Variants in SMC1A observed in about 807,000 individuals in gnomAD.
The protein encoded by SMC1A is structural maintenance of chromosomes 1A.
Under a neutral mutation model 94.5 loss-of-function variants are expected in SMC1A, and 4 were observed. That is an observed-to-expected ratio of 0.04 (90% CI 0.02 to 0.10). SMC1A has a LOEUF of 0.10. Among genes scored for constraint, SMC1A ranks in the 10% least tolerant of loss-of-function variants. The pLI is 1.00. For synonymous variants in SMC1A, 345 were observed against 347.7 expected (o/e 0.99, Z 0.09); for missense variants, 304 against 989.0 (o/e 0.31, Z 9.29).
At chrX:53,382,811 A>G (rs2075590044) in intron 20 of SMC1A, 151 bp from the exon 21 acceptor site, 1 of 676,885 alleles carries the variant, frequency 1.5e-6, no homozygotes, top group South Asian at 2.6e-5. Flanking sequence ...CACTGGATAC[A>G]ATGCAGAGCA....
chrX:53,397,589 A>T (rs183352067), intron 16 of SMC1A, among the ~76,000 whole-genome samples: 34 of 110,862 alleles, frequency 3.1e-4, no homozygotes, highest in African/African-American at 9.2e-4. Context: ...TCAAAAAAAA[A>T]AATAATAATC....
rs200428075 is a variant in SMC1A, at chrX:53,415,105, T to C, written c.174A>G (p.Val58=). The C allele has an allele frequency of 1.4e-5, 17 of 1,211,472 alleles. No homozygotes were observed. In the South Asian group the frequency reaches 2.6e-4, roughly 19 times the overall value. Residue 58 remains valine, a synonymous_variant, in exon 2 of 25, where the codon GTA becomes GTG. Coordinates refer to ENST00000322213, the MANE Select transcript of SMC1A (RefSeq NM_006306.4). ...CATGGATCAGGTCCCGCAGGGTCTTTACCCGCAGGTTGCTGGTTTTTTCAC... is the reference window on the plus strand; with the variant it reads ...CATGGATCAGGTCCCGCAGGGTCTTCACCCGCAGGTTGCTGGTTTTTTCAC... ...VLGEKTSNLR[V]KTLRDLIHGA...
Position 53,414,875 on chromosome X carries a change from A to G in SMC1A, c.299-5T>C. 9 of 1,193,577 alleles carry G rather than the reference A, an allele frequency of 7.5e-6. No individual in the cohort carries two copies. Among genetic ancestry groups the G allele is most frequent in the Non-Finnish European group, 1.0e-5 (9 of 879,009 alleles). On this transcript the variant is annotated splice_region_variant and splice_polypyrimidine_tract_variant and intron_variant, in intron 2 of 24. Coordinates refer to ENST00000322213, the MANE Select transcript of SMC1A (RefSeq NM_006306.4). ...TCTTGTACTCAGAAGAACCTCCTAC[A>G]AGACAATGCATGAGTTGGCAAGGGT... is the stretch of plus-strand genomic sequence containing the variant.
rs1193457348 is a variant in SMC1A at position 53,389,842 on chromosome X, CTTTTTTT to C, written c.2973+4929_2973+4935del. ...AAATGAAATATGATGTCCAGAATTT[CTTTTTTT>C]TTTTTTTTTTTTTTTTTTGAGACGG... On this transcript the variant is annotated intron_variant, in intron 19 of 24. Transcript: ENST00000322213. 2.2e-3 allele frequency among the ~76,000 whole-genome samples: 119 copies of C among 55,074 alleles called. 1 individual carries two copies. The highest frequency in any genetic ancestry group is 0.022 in the Middle Eastern group (1 of 45). 47.8% of individuals were successfully genotyped at this position (55,074 alleles called of 115,157 possible). A position where few individuals can be genotyped will look rare whatever the true frequency, so the allele number is the denominator to read the frequency against.
intron 14 of SMC1A, 25 bp downstream of exon 14, chrX:53,403,752 C>T (rs2075680702): frequency 8.5e-7 from 1 of 1,170,402 alleles, no homozygotes; most frequent in Admixed American, 2.2e-5. Flanking sequence ...GACACACACG[C>T]TGGCATGGCC....
intron 9 of SMC1A, among the ~76,000 whole-genome samples, chrX:53,407,691 T>G (rs2075696323): frequency 9.0e-6 from 1 of 111,505 alleles, no homozygotes; most frequent in Non-Finnish European, 1.9e-5. Flanking sequence ...AGATAAATAG[T>G]GTCAGAGCTG....
At chrX:53,421,625 TAA>T (rs1556892064) in intron 1 of SMC1A, among the ~76,000 whole-genome samples, 1 of 111,759 alleles carries the variant, frequency 8.9e-6, no homozygotes, top group Non-Finnish European at 1.9e-5. Context: ...AGACACCACC[TAA>T]GTCACTTTAT....
rs1313105752 is a variant in SMC1A at position 53,380,178 on chromosome X, G to A, written c.3627C>T (p.Asp1209=). 3 of 1,195,364 alleles carry A rather than the reference G, an allele frequency of 2.5e-6. No homozygotes were observed. Among genetic ancestry groups the A allele is most frequent in the Non-Finnish European group, 3.4e-6 (3 of 883,420 alleles). ...AGGTCAGGACTTTGCTGATCACACAGTCCCCTTGCTGAAGGAGGAGGGAGA... is the reference window on the plus strand; with the variant it reads ...AGGTCAGGACTTTGCTGATCACACAATCCCCTTGCTGAAGGAGGAGGGAGA... ...SLIGVYPEQG[D]CVISKVLTFD... The change falls in exon 25 of 25, where the codon GAC becomes GAT. Residue 1209 remains aspartate, a synonymous_variant. Coordinates refer to ENST00000322213, the MANE Select transcript of SMC1A (RefSeq NM_006306.4).
rs1200095350 is a variant in SMC1A at position 53,378,927 on chromosome X, T to C, written c.*1176A>G. The stretch of plus-strand genomic sequence containing the variant: ...TACCAGACATGATTGAAGCTACAGG[T>C]TTCCTCAGGCCCTCCGCTTACCAGG... On this transcript the variant is annotated 3_prime_UTR_variant, in exon 25 of 25. Coordinates refer to ENST00000322213, the MANE Select transcript of SMC1A (RefSeq NM_006306.4). 9.0e-6 allele frequency: 1 copy of C among 111,370 alleles called. No individual in the cohort carries two copies. Among genetic ancestry groups the C allele is most frequent in the Admixed American group, 9.5e-5 (1 of 10,479 alleles). The allele number at this position is 111,370 out of a possible 1,213,427, so 9.2% of individuals were successfully genotyped here.
At chrX:53,397,543 T>G (rs947849568) in intron 16 of SMC1A, among the ~76,000 whole-genome samples, 1 of 108,329 alleles carries the variant, frequency 9.2e-6, no homozygotes, top group Non-Finnish European at 1.9e-5. Context: ...ATCGTGCCTC[T>G]GCACTCTAAA....
intron 7 of SMC1A, among the ~76,000 whole-genome samples, chrX:53,411,102 A>G: frequency 9.2e-6 from 1 of 108,813 alleles, no homozygotes; most frequent in Non-Finnish European, 1.9e-5. Flanking sequence ...CTCAAAAATA[A>G]CAATAATCTT....
chrX:53,412,111 T>C lies in SMC1A; in HGVS notation c.997A>G (p.Met333Val). 3.3e-6 allele frequency: 4 copies of C among 1,211,794 alleles called. No homozygotes were observed. Among genetic ancestry groups the C allele is most frequent in the Non-Finnish European group, 4.5e-6 (4 of 895,379 alleles). Residue 333 changes from methionine to valine, a missense_variant, in exon 6 of 25, where the codon ATG becomes GTG. By Grantham distance (21) the Met-to-Val change is conservative (BLOSUM62 1). Transcript: ENST00000322213. ...QKHYKKRKGD[M>V]DELEKEMLSV... Reference sequence around the variant, plus strand: ...AGCATCTCCTTCTCCAGCTCATCCATGTCACCTTTACGCTTCTTGTAGTGC... The same window carrying C: ...AGCATCTCCTTCTCCAGCTCATCCACGTCACCTTTACGCTTCTTGTAGTGC...
intron 1 of SMC1A, 75 bp downstream of exon 1, chrX:53,422,417 G>A: frequency 1.4e-6 from 1 of 710,448 alleles, no homozygotes; most frequent in Non-Finnish European, 2.3e-6. Flanking sequence ...TACATGGGCT[G>A]GGTTGTACTA....
intron 19 of SMC1A, among the ~76,000 whole-genome samples, chrX:53,394,565 G>C (rs1266688913): frequency 3.6e-5 from 4 of 111,137 alleles, no homozygotes; most frequent in Non-Finnish European, 7.6e-5. Flanking sequence ...CTTGGGGTAT[G>C]GGGTAGGGAA....
intron 9 of SMC1A, among the ~76,000 whole-genome samples, chrX:53,406,939 C>G (rs1456240542): frequency 8.9e-6 from 1 of 112,148 alleles, no homozygotes; most frequent in Non-Finnish European, 1.9e-5. Context: ...CTCCGATGAT[C>G]TGCCCGCCTC....
intron 22 of SMC1A, chrX:53,381,725 C>T (rs1249175731): frequency 5.9e-6 from 1 of 168,288 alleles, no homozygotes; most frequent in Non-Finnish European, 1.1e-5. Context: ...CTGTCTGATA[C>T]ATCTGTGTCC....
chrX:53,408,659 A>T (rs1556890057), intron 9 of SMC1A, among the ~76,000 whole-genome samples: 1 of 110,132 alleles, frequency 9.1e-6, no homozygotes, highest in African/African-American at 3.3e-5. Flanking sequence ...CCTTTATAAG[A>T]CTGCACAGAG....
intron 9 of SMC1A, among the ~76,000 whole-genome samples, chrX:53,408,183 T>A (rs1372290151): frequency 9.1e-6 from 1 of 110,371 alleles, no homozygotes; most frequent in African/African-American, 3.3e-5. Context: ...ACAAAAAAAT[T>A]AGTTGGGCAT....
intron 16 of SMC1A, among the ~76,000 whole-genome samples, chrX:53,398,907 G>A (rs2075661262): frequency 9.0e-6 from 1 of 111,393 alleles, no homozygotes; most frequent in Non-Finnish European, 1.9e-5. Context: ...TAAATGCATT[G>A]TGAAGCTTCT....
Sources: gnomAD v4.1 joint callset for allele counts (sites outside exome capture counted in the v4.1 genomes callset) on GRCh38, gnomAD v4.1.1 for gene constraint, MANE v1.5 for transcripts, NCBI Gene and HGNC (gene_info 2026-07-23, HGNC 2026-07-21) for gene names.